Variants in POPDC2 observed in about 807,000 individuals in gnomAD.
POPDC2 encodes popeye domain cAMP effector 2, also known as popeye domain-containing protein 2.
A neutral mutation model predicts 30.5 loss-of-function variants in POPDC2; 24 were observed. The observed-to-expected ratio is 0.79, with a 90% CI of 0.57 to 1.11. The LOEUF (loss-of-function observed/expected upper bound fraction) is 1.11. Among genes scored for constraint, POPDC2 ranks in the 50% least tolerant of loss-of-function variants. POPDC2 has a pLI of 0.00. For synonymous variants in POPDC2, 185 were observed against 183.3 expected (o/e 1.01, Z -0.07); for missense variants, 409 against 447.0 (o/e 0.91, Z 0.77).
chr3:119,653,502 G>A (rs1281760274), intron 2 of POPDC2, among the ~76,000 whole-genome samples: 1 of 151,238 alleles, frequency 6.6e-6, no homozygotes, highest in East Asian at 1.9e-4. Context: ...TTTTGAGACG[G>A]AGTCTCACTC....
intron 1 of POPDC2, 115 bp downstream of exon 1, chr3:119,659,818 C>T: frequency 2.3e-6 from 3 of 1,309,454 alleles, no homozygotes; most frequent in Non-Finnish European, 3.1e-6. Flanking sequence ...CACATCCTTC[C>T]CTCAATGGAA....
At position 119,648,532 on chromosome 3, in the gene POPDC2, T is replaced by C. The variant is rs770794244; in HGVS notation, c.737A>G (p.Tyr246Cys). 6.2e-7 allele frequency: 1 copy of C among 1,614,038 alleles called. No homozygotes were observed. Among genetic ancestry groups the C allele is most frequent in the East Asian group, 2.2e-5 (1 of 44,882 alleles). The change falls in exon 3 of 4, where the codon TAC becomes TGC. Residue 246 changes from tyrosine to cysteine, a missense_variant. Tyr to Cys is a radical substitution (Grantham distance 194). Transcript: ENST00000493094. Reference protein sequence around the residue: ...LLGYDISEKLYTLNDKLFAKF... With the variant: ...LLGYDISEKLCTLNDKLFAKF... ...AGCAAAGAGCTTGTCATTGAGAGTGTAGAGCTTCTCTGAGATGTCATATCC... is the reference window on the plus strand; with the variant it reads ...AGCAAAGAGCTTGTCATTGAGAGTGCAGAGCTTCTCTGAGATGTCATATCC...
In POPDC2 at chr3:119,660,131, C is replaced by A; in HGVS notation, c.293G>T (p.Arg98Leu). ...CTCAGGGAGGGTGTCCTCACGCAGG[C>A]GGTATACCAGGTGTGCCAGCTGGAG... ...CLLQLAHLVY[R>L]LREDTLPEEF... The change falls in exon 1 of 4, where the codon CGC becomes CTC. Residue 98 changes from arginine (R) to leucine (L), a missense_variant. Transcript: ENST00000493094. 1 of 1,614,162 alleles carries A rather than the reference C, an allele frequency of 6.2e-7. No individual in the cohort carries two copies. The highest frequency in any genetic ancestry group is 8.5e-7 in the Non-Finnish European group (1 of 1,180,024).
chr3:119,658,487 G>A (rs2052903320), intron 1 of POPDC2, among the ~76,000 whole-genome samples: 1 of 152,202 alleles, frequency 6.6e-6, no homozygotes, highest in South Asian at 2.1e-4. Flanking sequence ...ACCCTACACT[G>A]GAGGGAGCAC....
intron 3 of POPDC2, among the ~76,000 whole-genome samples, chr3:119,646,304 T>G (rs77366069): frequency 0.043 from 6,508 of 151,376 alleles, 213 homozygotes; most frequent in Non-Finnish European, 0.063. Context: ...GAGGGAGAAA[T>G]GAACTGAGAA....
intron 3 of POPDC2, among the ~76,000 whole-genome samples, chr3:119,642,868 GA>G (rs1431659772): frequency 1.3e-5 from 2 of 151,950 alleles, no homozygotes; most frequent in Non-Finnish European, 2.9e-5. Flanking sequence ...CTAATTTAAA[GA>G]AAAAAACCAA....
In POPDC2 at chr3:119,660,587, G is replaced by A; in HGVS notation, c.-164C>T. 1.4e-6 allele frequency: 1 copy of A among 734,648 alleles called. No homozygotes were observed. The highest frequency in any genetic ancestry group is 1.9e-5 in the South Asian group (1 of 51,914). The allele number at this position is 734,648 out of a possible 1,614,324, so 45.5% of individuals were successfully genotyped here. ...GCTTCCGGTGGCTTTGGGAAGGAAT[G>A]ATGGAACATAGTACACTTCATGGAG... is the stretch of plus-strand genomic sequence containing the variant. On this transcript the variant is annotated 5_prime_UTR_variant, in exon 1 of 4. Transcript: ENST00000493094.
Position 119,648,628 on chromosome 3 carries a change from C to A in POPDC2, c.641G>T (p.Trp214Leu), listed in dbSNP as rs1577168358. The A allele has an allele frequency of 1.2e-6, 2 of 1,614,032 alleles. No homozygotes were observed. Residue 214 changes from tryptophan (W) to leucine (L), a missense_variant, in exon 3 of 4, where the codon TGG becomes TTG. Trp to Leu is a moderately conservative substitution (Grantham distance 61, BLOSUM62 -2). Transcript: ENST00000493094. ...TAETSCSYIS[W>L]PRKSLHLLLT... is the part of the protein sequence containing the mutation. ...AAGAAGATGGAGACTTTTCCGGGGC[C>A]AGGAAATGTAGCTACATGAGGTCTC...
At chr3:119,651,374 T>A (rs1010466957) in intron 2 of POPDC2, among the ~76,000 whole-genome samples, 8 of 151,786 alleles carry the variant, frequency 5.3e-5, no homozygotes, top group Non-Finnish European at 1.2e-4. Context: ...TTTTTTTTTT[T>A]AAACTAGCAG....
At chr3:119,657,371 A>G (rs1042379271) in intron 1 of POPDC2, among the ~76,000 whole-genome samples, 1 of 152,222 alleles carries the variant, frequency 6.6e-6, no homozygotes, top group Non-Finnish European at 1.5e-5. Flanking sequence ...TATACAAATT[A>G]CCAAAGACCA....
At chr3:119,643,050 T>C (rs2052708530) in intron 3 of POPDC2, among the ~76,000 whole-genome samples, 1 of 152,194 alleles carries the variant, frequency 6.6e-6, no homozygotes, top group Non-Finnish European at 1.5e-5. Context: ...CTAACTTACC[T>C]GACCGACAAT....
rs577528260 is a variant in POPDC2 at position 119,644,481 on chromosome 3, C to T, written c.*44-1920G>A. ...CTGGCTGGAAGACCCTGCATGAATACATTATCCTGCAGCATAGTTTTGCCT... is the reference window on the plus strand; with the variant it reads ...CTGGCTGGAAGACCCTGCATGAATATATTATCCTGCAGCATAGTTTTGCCT... On this transcript the variant is annotated intron_variant, in intron 3 of 3. Coordinates refer to ENST00000493094, the MANE Select transcript of POPDC2 (RefSeq NM_001369919.2). 7.9e-5 allele frequency among the ~76,000 whole-genome samples: 12 copies of T among 152,340 alleles called. No homozygotes were observed. In the South Asian group the frequency reaches 2.5e-3, roughly 32 times the overall value.
intron 3 of POPDC2, among the ~76,000 whole-genome samples, chr3:119,645,053 TAA>T (rs1220137772): frequency 6.6e-6 from 1 of 152,220 alleles, no homozygotes; most frequent in Non-Finnish European, 1.5e-5. Context: ...GTAAACGACA[TAA>T]GTTTCCTTTC....
At chr3:119,644,513 A>G (rs1486888698) in intron 3 of POPDC2, among the ~76,000 whole-genome samples, 5 of 152,236 alleles carry the variant, frequency 3.3e-5, no homozygotes, top group Non-Finnish European at 7.3e-5. Flanking sequence ...GCCTATTAAG[A>G]GAAGCAGCAC....
chr3:119,648,202 G>A lies in POPDC2; in HGVS notation c.1067C>T (p.Ser356Leu), dbSNP rs527719112. ...EDFEEVSGSE[S>L]FMDYRSDGEY... is the part of the protein sequence containing the mutation. ...CCCATCACTCCTATAATCCATAAACGATTCTGATCCTGACACCTCCTCAAA... is the reference window on the plus strand; with the variant it reads ...CCCATCACTCCTATAATCCATAAACAATTCTGATCCTGACACCTCCTCAAA... Residue 356 changes from serine to leucine, a missense_variant, in exon 3 of 4, where the codon TCG (serine) becomes TTG (leucine). Coordinates refer to ENST00000493094, the MANE Select transcript of POPDC2 (RefSeq NM_001369919.2). The A allele has an allele frequency of 8.6e-5, 135 of 1,571,686 alleles. 3 individuals are homozygous for A. The East Asian group carries it at 2.9e-3, about 34-fold the overall frequency.
chr3:119,659,836 C>CGAAATGGAAAGGGACAT lies in POPDC2; in HGVS notation c.491+80_491+96dup, dbSNP rs530148721. The CGAAATGGAAAGGGACAT allele has an allele frequency of 2.0e-4, 289 of 1,413,348 alleles. No homozygotes were observed. In the African/African-American group the frequency reaches 3.7e-3, roughly 18 times the overall value. 87.6% of individuals were successfully genotyped at this position (1,413,348 alleles called of 1,614,324 possible). A position where few individuals can be genotyped will look rare whatever the true frequency, so the allele number is the denominator to read the frequency against. On this transcript the variant is annotated intron_variant, in intron 1 of 3. Coordinates refer to ENST00000493094, the MANE Select transcript of POPDC2 (RefSeq NM_001369919.2). The stretch of plus-strand genomic sequence containing the variant: ...ATCCTTCCCTCAATGGAAGGGGACA[C>CGAAATGGAAAGGGACAT]GAAATGGAAAGGGACATGAAATGGA...
At chr3:119,659,231 G>A (rs924316321) in intron 1 of POPDC2, among the ~76,000 whole-genome samples, 8 of 152,198 alleles carry the variant, frequency 5.3e-5, no homozygotes, top group Admixed American at 3.9e-4. Flanking sequence ...CAAAAGCCTT[G>A]ATGAGATAGG....
chr3:119,645,730 G>T (rs554483914), intron 3 of POPDC2, among the ~76,000 whole-genome samples: 1 of 152,292 alleles, frequency 6.6e-6, no homozygotes, highest in African/African-American at 2.4e-5. Flanking sequence ...CAAGGTGCCA[G>T]AGAAATTGTA....
intron 3 of POPDC2, among the ~76,000 whole-genome samples, chr3:119,646,401 C>T (rs1017658486): frequency 1.3e-5 from 2 of 151,998 alleles, no homozygotes; most frequent in African/African-American, 2.4e-5. Flanking sequence ...GAGACCAAGG[C>T]AGGAGGATTA....
Sources: allele counts gnomAD v4.1 joint callset (sites outside exome capture counted in the v4.1 genomes callset), GRCh38; gene constraint gnomAD v4.1.1; transcripts MANE v1.5; gene names NCBI Gene and HGNC (gene_info 2026-07-23, HGNC 2026-07-21).